The following ANKRD44 variants were observed in gnomAD, a reference collection of about 807,000 sequenced individuals.
ANKRD44 encodes ankyrin repeat domain 44, also known as serine/threonine-protein phosphatase 6 regulatory ankyrin repeat subunit B.
ANKRD44 carries 35 observed loss-of-function variants against 116.0 expected under a neutral mutation model. That is an observed-to-expected ratio of 0.30 (90% CI 0.23 to 0.40). The LOEUF (loss-of-function observed/expected upper bound fraction) is 0.40, where lower values mean the gene tolerates loss of function less well. Ranked by LOEUF, ANKRD44 falls within the 10% of genes least tolerant of loss-of-function variation. The pLI is 1.00. For missense variants in ANKRD44, 1,014 were observed against 1,242.6 expected, an observed-to-expected ratio of 0.82 and a Z score of 2.77; for synonymous variants, 435 against 461.8, an observed-to-expected ratio of 0.94 and a Z score of 0.74.
intron 1 of ANKRD44, among the ~76,000 whole-genome samples, chr2:197,271,392 C>T (rs2082895290): frequency 6.6e-6 from 1 of 152,226 alleles, no homozygotes; most frequent in South Asian, 2.1e-4. Flanking sequence ...GGGCCCTCAG[C>T]AGACACTGAA....
chr2:197,041,880 T>C (rs928879742), intron 16 of ANKRD44, among the ~76,000 whole-genome samples: 2 of 152,188 alleles, frequency 1.3e-5, no homozygotes, highest in African/African-American at 4.8e-5. Flanking sequence ...CACATGAATC[T>C]AATCTAAGCT....
chr2:197,197,286 GATAAT>G (rs1559141654), intron 1 of ANKRD44, among the ~76,000 whole-genome samples: 2 of 151,992 alleles, frequency 1.3e-5, no homozygotes, highest in East Asian at 1.9e-4. Flanking sequence ...GAAAACATTC[GATAAT>G]ATAAAATGGG....
intron 1 of ANKRD44, among the ~76,000 whole-genome samples, chr2:197,217,128 T>G (rs1474809800): frequency 6.6e-6 from 1 of 152,174 alleles, no homozygotes; most frequent in African/African-American, 2.4e-5. Flanking sequence ...TAATTTCATT[T>G]ACTTTCCACT....
Position 197,031,121 on chromosome 2 carries a change from G to A in ANKRD44, c.1651-5854C>T, listed in dbSNP as rs568048796. ...CCTGTAAATCCAAAGCTTGTCAAGC[G>A]GAAAACACATTTTAAAACCATAAGT... On this transcript the variant is annotated intron_variant, in intron 16 of 27. Transcript: ENST00000282272. Among the ~76,000 whole-genome samples, 32 of 151,262 alleles carry A rather than the reference G, an allele frequency of 2.1e-4. 1 individual carries two copies. The highest frequency in any genetic ancestry group is 6.9e-3 in the Middle Eastern group (2 of 288).
intron 16 of ANKRD44, among the ~76,000 whole-genome samples, chr2:197,052,487 T>C (rs2077127403): frequency 6.6e-6 from 1 of 151,888 alleles, no homozygotes; most frequent in Non-Finnish European, 1.5e-5. Context: ...GAGGAAAGAG[T>C]GTTATCAGTC....
At chr2:197,269,284 ATGG>A (rs2082827940) in intron 1 of ANKRD44, among the ~76,000 whole-genome samples, 1 of 148,056 alleles carries the variant, frequency 6.8e-6, no homozygotes, top group Non-Finnish European at 1.5e-5. Flanking sequence ...AAGTTTGAAT[ATGG>A]AGATAGGAGC....
At chr2:197,086,482 T>TGTG (rs2077926831) in intron 13 of ANKRD44, among the ~76,000 whole-genome samples, 198 bp downstream of exon 13, 1 of 152,140 alleles carries the variant, frequency 6.6e-6, no homozygotes, top group East Asian at 1.9e-4. Context: ...AAACAGCAGC[T>TGTG]GTGAGTGGAG....
At chr2:196,985,497 G>C (rs1338075532), downstream of ANKRD44, among the ~76,000 whole-genome samples, 1 of 152,044 alleles carries the variant, frequency 6.6e-6, no homozygotes, top group African/African-American at 2.4e-5. Context: ...AGGGAGGCAG[G>C]GCTGAGTACA....
rs1261495113 is a variant in ANKRD44 at position 197,026,484 on chromosome 2, AG to A, written c.1651-1218del. ...TCTTGGAGAAGAGCATTCTAAGCAG[AG>A]GGGCCAACAGCTGCCAAGACCCTTA... On this transcript the variant is annotated intron_variant, in intron 16 of 27. Coordinates refer to ENST00000282272, the MANE Select transcript of ANKRD44 (RefSeq NM_001195144.2). 2.0e-5 allele frequency among the ~76,000 whole-genome samples: 3 copies of A among 152,288 alleles called. No individual in the cohort carries two copies. The East Asian group carries it at 5.8e-4, about 29-fold the overall frequency.
At chr2:197,188,344 T>C (rs988065434) in intron 1 of ANKRD44, among the ~76,000 whole-genome samples, 1 of 152,050 alleles carries the variant, frequency 6.6e-6, no homozygotes, top group Non-Finnish European at 1.5e-5. Context: ...TAAATATGAT[T>C]TGCTGACAGG....
intron 16 of ANKRD44, among the ~76,000 whole-genome samples, chr2:197,049,742 G>A (rs1022652722): frequency 2.6e-5 from 4 of 151,924 alleles, no homozygotes; most frequent in African/African-American, 9.7e-5. Flanking sequence ...TCAGCCTCCT[G>A]AGAATCTAGG....
At chr2:197,288,657 T>C (rs999201804) in intron 1 of ANKRD44, among the ~76,000 whole-genome samples, 4 of 152,100 alleles carry the variant, frequency 2.6e-5, no homozygotes, top group East Asian at 3.9e-4. Flanking sequence ...TATATATATA[T>C]ACACATATAC....
intron 2 of ANKRD44, among the ~76,000 whole-genome samples, chr2:197,180,826 A>G (rs2080484995): frequency 6.6e-6 from 1 of 152,210 alleles, no homozygotes; most frequent in Non-Finnish European, 1.5e-5. Context: ...TTCTGGGTGG[A>G]TTTTTAAAAT....
chr2:197,050,496 C>T (rs989016324), intron 16 of ANKRD44, among the ~76,000 whole-genome samples: 3 of 149,720 alleles, frequency 2.0e-5, no homozygotes, highest in African/African-American at 4.9e-5. Flanking sequence ...GATCTCGGCT[C>T]ACTGCAGCCT....
At chr2:197,153,245 AAAG>A (rs1171498946) in intron 2 of ANKRD44, among the ~76,000 whole-genome samples, 15 of 121,042 alleles carry the variant, frequency 1.2e-4, no homozygotes, top group Admixed American at 8.8e-4. Context: ...AAAAAAAAAA[AAAG>A]AAGAAACAAG....
At chr2:197,044,076 C>T (rs181234004) in intron 16 of ANKRD44, among the ~76,000 whole-genome samples, 23 of 152,044 alleles carry the variant, frequency 1.5e-4, no homozygotes, top group Non-Finnish European at 2.9e-4. Flanking sequence ...TTTTTGTTTA[C>T]TTACTGTATT....
At chr2:197,010,466 GC>G (rs2076279301) in intron 18 of ANKRD44, among the ~76,000 whole-genome samples, 1 of 152,278 alleles carries the variant, frequency 6.6e-6, no homozygotes, top group East Asian at 1.9e-4. Flanking sequence ...AGGAAATGCG[GC>G]CCCCATGCGG....
At chr2:196,990,362 C>A (rs1056603001) in intron 27 of ANKRD44, 19 of 1,022,386 alleles carry the variant, frequency 1.9e-5, no homozygotes, top group African/African-American at 1.2e-4. Flanking sequence ...TTATTCATAG[C>A]GAACAGCTGC....
intron 4 of ANKRD44, chr2:197,135,029 G>A (rs2079184951): frequency 6.6e-6 from 1 of 152,106 alleles, no homozygotes; most frequent in Non-Finnish European, 1.5e-5. Context: ...TAGGATTATT[G>A]ACCTCTCTCA....
Sources: gnomAD v4.1 joint callset for allele counts (sites outside exome capture counted in the v4.1 genomes callset) on GRCh38, gnomAD v4.1.1 for gene constraint, MANE v1.5 for transcripts, NCBI Gene and HGNC (gene_info 2026-07-23, HGNC 2026-07-21) for gene names.